Variants in RERE observed in about 807,000 individuals in gnomAD.
The protein encoded by RERE is arginine-glutamic acid dipeptide repeats protein.
In RERE, 40 loss-of-function variants were observed where a neutral mutation model predicts 146.1. The ratio of observed to expected loss-of-function variants is 0.27; its 90% confidence interval spans 0.21 to 0.36. The LOEUF is 0.36. RERE is among the 10% of genes least tolerant of loss of function. RERE has a pLI of 1.00. For synonymous variants in RERE, 1,003 were observed against 866.0 expected (o/e 1.16, Z -2.78); for missense variants, 1,933 against 2,138.7 (o/e 0.90, Z 1.90).
At chr1:8,614,419 G>A (rs1210882971) in intron 4 of RERE, 142 bp downstream of exon 4, 1 of 828,694 alleles carries the variant, frequency 1.2e-6, no homozygotes, top group African/African-American at 1.7e-5. Context: ...TGCTTCCTCT[G>A]TGCATGTACT....
At chr1:8,786,619 T>C (rs1641263987) in intron 1 of RERE, 2 of 767,634 alleles carry the variant, frequency 2.6e-6, no homozygotes, top group East Asian at 2.4e-5. Flanking sequence ...CTGCAACACC[T>C]TTCAGACCTC....
rs58064164 is a variant in RERE at position 8,516,227 on chromosome 1, G to GAAAAAAAAAAA, written c.831-7563_831-7553dup. Among the ~76,000 whole-genome samples the GAAAAAAAAAAA allele has an allele frequency of 1.4e-3, 74 of 52,300 alleles. 4 individuals carry two copies. The highest frequency in any genetic ancestry group is 2.1e-3 in the Admixed American group (7 of 3,342). 34.3% of individuals were successfully genotyped at this position (52,300 alleles called of 152,430 possible). A position where few individuals can be genotyped will look rare whatever the true frequency, so the allele number is the denominator to read the frequency against. ...GGGACGGAGCAAGACTCTCTCAGAGGAAAAAAAAAAAAAAAAAAAAAATCT... is the reference window on the plus strand; with the variant it reads ...GGGACGGAGCAAGACTCTCTCAGAGGAAAAAAAAAAAAAAAAAAAAAAAAAAAAAAAAATCT... On this transcript the variant is annotated intron_variant, in intron 7 of 22. Coordinates refer to ENST00000400908, the MANE Select transcript of RERE (RefSeq NM_001042681.2).
chr1:8,689,773 G>GA (rs370873260), intron 1 of RERE, among the ~76,000 whole-genome samples: 4,742 of 127,614 alleles, frequency 0.037, 181 homozygotes, highest in African/African-American at 0.11. Flanking sequence ...ATGGATACAG[G>GA]AAAAAAAAAA....
At position 8,726,389 on chromosome 1, in the gene RERE, G is replaced by A. The variant is rs368554219; in HGVS notation, c.-144-69948C>T. Among the ~76,000 whole-genome samples the A allele has an allele frequency of 4.6e-5, 7 of 151,842 alleles. No individual in the cohort carries two copies. In the East Asian group the frequency reaches 5.8e-4, roughly 13 times the overall value. On this transcript the variant is annotated intron_variant, in intron 1 of 22. Coordinates refer to ENST00000400908, the MANE Select transcript of RERE (RefSeq NM_001042681.2). ...AGGCTGGTCTCGAACTCCTGACCTCGTGATCCACCCGCCTCGGCCTCCCAA... is the reference window on the plus strand; with the variant it reads ...AGGCTGGTCTCGAACTCCTGACCTCATGATCCACCCGCCTCGGCCTCCCAA...
chr1:8,372,507 C>CGTGTGTGTGTGTGTGTGT (rs6143111), intron 12 of RERE, among the ~76,000 whole-genome samples: 3,659 of 131,722 alleles, frequency 0.028, 145 homozygotes, highest in East Asian at 0.12. Flanking sequence ...ACCATCAGGT[C>CGTGTGTGTGTGTGTGTGT]GTGTGTGTGT....
intron 1 of RERE, among the ~76,000 whole-genome samples, chr1:8,660,750 C>T (rs189866365): frequency 1.4e-4 from 21 of 152,298 alleles, no homozygotes; most frequent in African/African-American, 4.6e-4. Flanking sequence ...TTTCTCCAGT[C>T]GGAAAGCCAA....
At chr1:8,556,629 A>G (rs555790941) in intron 5 of RERE, 58 bp from the exon 6 acceptor site, 18 of 1,110,872 alleles carry the variant, frequency 1.6e-5, no homozygotes, top group Non-Finnish European at 2.4e-5. Context: ...CAAGTAAAAA[A>G]AATTTGTAAA....
At chr1:8,551,654 C>A (rs1306485623) in intron 6 of RERE, among the ~76,000 whole-genome samples, 1 of 152,188 alleles carries the variant, frequency 6.6e-6, no homozygotes, top group African/African-American at 2.4e-5. Context: ...GAGTGTACTA[C>A]ACATGTTACT....
chr1:8,623,321 C>A (rs549734067), intron 3 of RERE, among the ~76,000 whole-genome samples: 2 of 152,054 alleles, frequency 1.3e-5, no homozygotes, highest in African/African-American at 4.8e-5. Flanking sequence ...TGTACTGGCA[C>A]GCACCTGTAA....
intron 1 of RERE, among the ~76,000 whole-genome samples, chr1:8,789,301 A>AATATATATATAT (rs1553149622): frequency 1.6e-3 from 40 of 24,770 alleles, no homozygotes; most frequent in South Asian, 2.8e-3. Flanking sequence ...AAAAAAAAAA[A>AATATATATATAT]ATATATATAT....
chr1:8,532,132 T>A (rs1444874136), intron 7 of RERE, among the ~76,000 whole-genome samples: 1 of 152,250 alleles, frequency 6.6e-6, no homozygotes, highest in Non-Finnish European at 1.5e-5. Flanking sequence ...AGGCAACATA[T>A]GCTAACAGAT....
chr1:8,531,250 C>T (rs113940734), intron 7 of RERE, among the ~76,000 whole-genome samples: 1 of 152,046 alleles, frequency 6.6e-6, no homozygotes, highest in African/African-American at 2.4e-5. Flanking sequence ...TGAGACCAGC[C>T]TGGCCAATGG....
intron 7 of RERE, among the ~76,000 whole-genome samples, chr1:8,527,675 T>C (rs536845095): frequency 6.6e-6 from 1 of 152,326 alleles, no homozygotes; most frequent in African/African-American, 2.4e-5. Flanking sequence ...GATAATGGAT[T>C]CCAATGGTGG....
At chr1:8,390,695 G>A (rs1642857283) in intron 12 of RERE, among the ~76,000 whole-genome samples, 1 of 152,066 alleles carries the variant, frequency 6.6e-6, no homozygotes, top group Non-Finnish European at 1.5e-5. Flanking sequence ...TAAAAACTAT[G>A]TACATTTTGA....
chr1:8,616,034 A>G (rs1354940287), intron 3 of RERE, among the ~76,000 whole-genome samples: 1 of 152,150 alleles, frequency 6.6e-6, no homozygotes, highest in Non-Finnish European at 1.5e-5. Context: ...CCAACACTGC[A>G]AACTCCAAAT....
intron 10 of RERE, among the ~76,000 whole-genome samples, chr1:8,492,134 C>T (rs1183622115): frequency 6.6e-6 from 1 of 152,112 alleles, no homozygotes; most frequent in African/African-American, 2.4e-5. Context: ...TAACCTAAGA[C>T]ACCTGAGCCA....
intron 1 of RERE, among the ~76,000 whole-genome samples, chr1:8,734,995 T>C (rs1051969210): frequency 2.6e-5 from 4 of 152,196 alleles, no homozygotes; most frequent in African/African-American, 9.6e-5. Flanking sequence ...TCCCACAAAA[T>C]TGTATGCTTG....
At chr1:8,455,304 A>C (rs74668541) in intron 11 of RERE, among the ~76,000 whole-genome samples, 5,419 of 152,108 alleles carry the variant, frequency 0.036, 331 homozygotes, top group African/African-American at 0.12. Flanking sequence ...TGCAGTGGCG[A>C]GATCACAAGG....
intron 10 of RERE, among the ~76,000 whole-genome samples, chr1:8,490,426 C>T (rs1644966001): frequency 6.7e-6 from 1 of 149,840 alleles, no homozygotes; most frequent in Admixed American, 6.6e-5. Flanking sequence ...AACAATCCTG[C>T]CACTCCAAGT....
Sources: allele counts gnomAD v4.1 joint callset (sites outside exome capture counted in the v4.1 genomes callset), GRCh38; gene constraint gnomAD v4.1.1; transcripts MANE v1.5; gene names NCBI Gene and HGNC (gene_info 2026-07-23, HGNC 2026-07-21).